LAMA4: variants seen among roughly 807,000 people sequenced by gnomAD.
LAMA4 encodes laminin subunit alpha 4, also known as laminin subunit alpha-4.
In LAMA4, 127 loss-of-function variants were observed where a neutral mutation model predicts 207.1. The observed-to-expected ratio is 0.61, with a 90% CI of 0.53 to 0.71. The LOEUF (loss-of-function observed/expected upper bound fraction) is 0.71. LAMA4 is among the 30% of genes least tolerant of loss of function. The pLI is 0.00. For synonymous variants in LAMA4, 761 were observed against 816.0 expected, an observed-to-expected ratio of 0.93 and a Z score of 1.15; for missense variants, 2,093 against 2,246.5, an observed-to-expected ratio of 0.93 and a Z score of 1.38.
chr6:112,253,176 C>T (rs571304422), intron 2 of LAMA4, among the ~76,000 whole-genome samples: 8 of 152,230 alleles, frequency 5.3e-5, no homozygotes, highest in Admixed American at 6.5e-5. Context: ...TATTTTCCTC[C>T]CTCTTAGCAT....
chr6:112,133,536 C>T (rs781792982), intron 26 of LAMA4, 49 bp from the exon 27 acceptor site: 16 of 1,607,554 alleles, frequency 1.0e-5, no homozygotes, highest in Middle Eastern at 3.3e-4. Flanking sequence ...GATGATGTTA[C>T]CCTGCATATG....
intron 31 of LAMA4, among the ~76,000 whole-genome samples, chr6:112,127,404 C>G (rs144358301): frequency 4.1e-4 from 62 of 151,798 alleles, no homozygotes; most frequent in Non-Finnish European, 6.5e-4. Flanking sequence ...GTTGTCTGTG[C>G]AGATACTTGG....
intron 2 of LAMA4, among the ~76,000 whole-genome samples, chr6:112,222,525 T>G (rs1784979942): frequency 6.6e-6 from 1 of 152,166 alleles, no homozygotes; most frequent in East Asian, 1.9e-4. Context: ...GACTGTGACT[T>G]AGAGCCTGAG....
chr6:112,165,151 C>G lies in LAMA4; in HGVS notation c.1668+9G>C. The G allele has an allele frequency of 6.7e-7, 1 of 1,493,964 alleles. No individual in the cohort carries two copies. The highest frequency in any genetic ancestry group is 9.3e-7 in the Non-Finnish European group (1 of 1,070,438). 92.5% of individuals were successfully genotyped at this position (1,493,964 alleles called of 1,614,324 possible). ...AATACAAACCTGAACAAGTCACGTG[C>G]GTCCTTACCTTTATTATATCATCAA... On this transcript the variant is annotated intron_variant, in intron 13 of 38. Coordinates refer to ENST00000230538, the MANE Select transcript of LAMA4 (RefSeq NM_001105206.3).
At chr6:112,199,504 T>C (rs1185553067) in intron 5 of LAMA4, among the ~76,000 whole-genome samples, 2 of 152,164 alleles carry the variant, frequency 1.3e-5, no homozygotes, top group Admixed American at 1.3e-4. Context: ...CTCCTATTCC[T>C]GTGTCTCCAA....
At chr6:112,119,444 C>T (rs1778218870) in intron 33 of LAMA4, 133 bp from the exon 34 acceptor site, 5 of 962,100 alleles carry the variant, frequency 5.2e-6, no homozygotes, top group African/African-American at 1.7e-5. Flanking sequence ...TTTAAAATGG[C>T]CCCATCTCTG....
At position 112,118,703 on chromosome 6, in the gene LAMA4, TTGTGTGTGTGTGTGTGTATG is replaced by T. The variant is rs1469799338; in HGVS notation, c.4821+433_4821+452del. 8.0e-6 allele frequency among the ~76,000 whole-genome samples: 1 copy of T among 124,864 alleles called. No individual in the cohort carries two copies. Among genetic ancestry groups the T allele is most frequent in the African/African-American group, 3.1e-5 (1 of 32,680 alleles). The allele number at this position is 124,864 out of a possible 152,430, so 81.9% of individuals were successfully genotyped here. ...CCACATTTCCTTATACATTTACAAA[TTGTGTGTGTGTGTGTGTATG>T]TGTGTGTGTGTGTGTGTGTGTGTAA... On this transcript the variant is annotated intron_variant, in intron 34 of 38. Coordinates refer to ENST00000230538, the MANE Select transcript of LAMA4 (RefSeq NM_001105206.3). The surrounding 1 kb of genome is among the most constrained non-coding windows in gnomAD (Gnocchi z 4.6).
chr6:112,215,730 T>C (rs1180698377), intron 3 of LAMA4, among the ~76,000 whole-genome samples: 3 of 152,224 alleles, frequency 2.0e-5, no homozygotes, highest in Non-Finnish European at 4.4e-5. Context: ...GCAAGTACTT[T>C]TCTGCTGGAA....
intron 9 of LAMA4, among the ~76,000 whole-genome samples, chr6:112,184,400 T>C (rs1782560973): frequency 6.6e-6 from 1 of 152,084 alleles, no homozygotes; most frequent in African/African-American, 2.4e-5. Flanking sequence ...GTAAAATTAG[T>C]ATAGCACATG....
chr6:112,181,979 C>A (rs1782389940), intron 9 of LAMA4, among the ~76,000 whole-genome samples: 1 of 152,086 alleles, frequency 6.6e-6, no homozygotes, highest in Admixed American at 6.5e-5. Flanking sequence ...TGCCTGTAAT[C>A]CCAGCTACTC....
chr6:112,139,039 C>T, intron 24 of LAMA4, 81 bp downstream of exon 24: 1 of 1,366,804 alleles, frequency 7.3e-7, no homozygotes, highest in Admixed American at 1.7e-5. Context: ...ACACACTAGA[C>T]CTGGGAAGGT....
intron 2 of LAMA4, among the ~76,000 whole-genome samples, chr6:112,249,727 G>C (rs1193483053): frequency 6.6e-6 from 1 of 152,108 alleles, no homozygotes; most frequent in African/African-American, 2.4e-5. Flanking sequence ...ATCAGTATCG[G>C]CATGTGGTAA....
chr6:112,224,898 T>G (rs1315163194), intron 2 of LAMA4, among the ~76,000 whole-genome samples: 1 of 149,850 alleles, frequency 6.7e-6, no homozygotes, highest in African/African-American at 2.4e-5. Flanking sequence ...CCAGGACAAC[T>G]CTTTCTTCTG....
At chr6:112,123,352 A>G (rs1338741619) in intron 31 of LAMA4, among the ~76,000 whole-genome samples, 1 of 152,202 alleles carries the variant, frequency 6.6e-6, no homozygotes, top group African/African-American at 2.4e-5. Context: ...GGATTACTGA[A>G]TGAGCATACA....
At chr6:112,139,661 A>C in intron 23 of LAMA4, 91 bp downstream of exon 23, 2 of 1,509,310 alleles carry the variant, frequency 1.3e-6, no homozygotes, top group Non-Finnish European at 1.8e-6. Context: ...CCCAAAGAAA[A>C]GTTTGAGAAC....
chr6:112,222,128 G>T (rs1460315698), intron 2 of LAMA4, among the ~76,000 whole-genome samples: 1 of 152,192 alleles, frequency 6.6e-6, no homozygotes, highest in Non-Finnish European at 1.5e-5. Context: ...TTACCAAGAA[G>T]TTGGCTTCTT....
At chr6:112,160,679 G>T (rs973051646) in intron 13 of LAMA4, among the ~76,000 whole-genome samples, 1 of 152,112 alleles carries the variant, frequency 6.6e-6, no homozygotes. Context: ...TCTTTTCCTA[G>T]CTTCTGTGAC....
At chr6:112,129,132 A>G in intron 30 of LAMA4, 57 bp from the exon 31 acceptor site, 5 of 1,451,708 alleles carry the variant, frequency 3.4e-6, no homozygotes, top group Non-Finnish European at 3.8e-6. Context: ...GAATTACATG[A>G]TGAATATTAT....
intron 4 of LAMA4, 84 bp from the exon 5 acceptor site, chr6:112,201,772 T>A: frequency 3.5e-6 from 4 of 1,128,128 alleles, no homozygotes; most frequent in Non-Finnish European, 5.4e-6. Context: ...TACCTCTATG[T>A]TGGTCCCATT....
Sources: allele counts gnomAD v4.1 joint callset (sites outside exome capture counted in the v4.1 genomes callset), GRCh38; gene constraint gnomAD v4.1.1; non-coding constraint Gnocchi (gnomAD v3.1); transcripts MANE v1.5; gene names NCBI Gene and HGNC (gene_info 2026-07-23, HGNC 2026-07-21).